The following CYP20A1 variants were observed in gnomAD, a reference collection of about 807,000 sequenced individuals.
The protein encoded by CYP20A1 is cytochrome P450 20A1.
Under a neutral mutation model 61.4 loss-of-function variants are expected in CYP20A1, and 61 were observed. The observed-to-expected ratio is 0.99, with a 90% CI of 0.81 to 1.23. The LOEUF (loss-of-function observed/expected upper bound fraction) is 1.23, where lower values mean the gene tolerates loss of function less well. CYP20A1 is among the 50% of genes most tolerant of loss of function. The pLI, the probability that CYP20A1 is intolerant of heterozygous loss-of-function variation, is 0.00. For missense variants in CYP20A1, 530 were observed against 542.4 expected (o/e 0.98, Z 0.23); for synonymous variants, 193 against 188.2 (o/e 1.03, Z -0.21).
rs200422506 is a variant in CYP20A1, at chr2:203,272,692, G to T, written c.623G>T (p.Gly208Val). Residue 208 changes from glycine to valine, a missense_variant, in exon 6 of 13, where the codon GGC becomes GTC. Transcript: ENST00000356079. ...CAGGTTTGGTCTGAGATTGGAAAAG[G>T]CTTTCTAGATGGGTCACTTGATAAA... is the stretch of plus-strand genomic sequence containing the variant. ...HGTVWSEIGK[G>V]FLDGSLDKNM... 1.9e-6 allele frequency: 3 copies of T among 1,606,980 alleles called. No individual in the cohort carries two copies. Among genetic ancestry groups the T allele is most frequent in the South Asian group, 1.1e-5 (1 of 89,234 alleles).
At chr2:203,256,689 T>C (rs2066905923) in intron 4 of CYP20A1, among the ~76,000 whole-genome samples, 1 of 152,198 alleles carries the variant, frequency 6.6e-6, no homozygotes, top group Non-Finnish European at 1.5e-5. Context: ...CCTTTGAGTG[T>C]CTGTCTCCCT....
intron 10 of CYP20A1, among the ~76,000 whole-genome samples, chr2:203,291,204 T>C (rs2068519258): frequency 2.0e-5 from 3 of 151,946 alleles, no homozygotes; most frequent in African/African-American, 4.8e-5. Flanking sequence ...CTGGACTAAA[T>C]TTTTTTATTT....
At chr2:203,249,977 T>C (rs1449499181) in intron 3 of CYP20A1, among the ~76,000 whole-genome samples, 1 of 152,202 alleles carries the variant, frequency 6.6e-6, no homozygotes, top group African/African-American at 2.4e-5. Context: ...ATTTTACTTA[T>C]CTCCCTAGAA....
chr2:203,272,221 G>T (rs2067631027), intron 5 of CYP20A1, among the ~76,000 whole-genome samples: 1 of 152,134 alleles, frequency 6.6e-6, no homozygotes, highest in Non-Finnish European at 1.5e-5. Flanking sequence ...CCAGTTGAGA[G>T]GGAGAGCTTA....
chr2:203,251,817 A>ATATATATGTGT (rs34111991), intron 3 of CYP20A1, 150 bp from the exon 4 acceptor site: 5 of 95,306 alleles, frequency 5.2e-5, no homozygotes, highest in Admixed American at 1.4e-4. Flanking sequence ...ATATATATAT[A>ATATATATGTGT]AAAAATAAAA....
rs577716667 is a variant in CYP20A1, at chr2:203,272,932, C to T, written c.679+184C>T. Among the ~76,000 whole-genome samples, 25 of 151,780 alleles carry T rather than the reference C, an allele frequency of 1.6e-4. No homozygotes were observed. The East Asian group carries it at 2.7e-3, about 16-fold the overall frequency. On this transcript the variant is annotated intron_variant, in intron 6 of 12. Coordinates refer to ENST00000356079, the MANE Select transcript of CYP20A1 (RefSeq NM_177538.3). ...GTGCGATCTCGGCCACAGCAACCTCCGCCTCCCAGGTTCAAGCAATTCTCC... is the reference window on the plus strand; with the variant it reads ...GTGCGATCTCGGCCACAGCAACCTCTGCCTCCCAGGTTCAAGCAATTCTCC...
rs550158157 is a variant in CYP20A1, at chr2:203,287,431, C to T, written c.971+1699C>T. Among the ~76,000 whole-genome samples the T allele has an allele frequency of 5.0e-4, 76 of 152,084 alleles. 2 individuals carry two copies. Among genetic ancestry groups the T allele is most frequent in the Non-Finnish European group, 5.0e-4 (34 of 67,998 alleles). The stretch of plus-strand genomic sequence containing the variant: ...TTAAGCCCGTAACAGTTGGGCTAGG[C>T]GCAGTGACTCATGCTTATAATCCCA... On this transcript the variant is annotated intron_variant, in intron 9 of 12. Transcript: ENST00000356079.
At chr2:203,276,800 G>A (rs1423565777) in intron 6 of CYP20A1, among the ~76,000 whole-genome samples, 1 of 152,116 alleles carries the variant, frequency 6.6e-6, no homozygotes, top group Non-Finnish European at 1.5e-5. Flanking sequence ...AGAGAAAGAA[G>A]TCCTGACTAG....
At chr2:203,274,664 T>C (rs2067740281) in intron 6 of CYP20A1, among the ~76,000 whole-genome samples, 1 of 152,212 alleles carries the variant, frequency 6.6e-6, no homozygotes, top group East Asian at 1.9e-4. Flanking sequence ...GGCCCTATTC[T>C]GTGCACAGGA....
At chr2:203,272,400 G>A (rs2067638033) in intron 5 of CYP20A1, among the ~76,000 whole-genome samples, 1 of 151,906 alleles carries the variant, frequency 6.6e-6, no homozygotes. Flanking sequence ...AAATTAGCTG[G>A]CGTTGGTGGC....
At chr2:203,295,014 G>A (rs1378192050) in intron 11 of CYP20A1, among the ~76,000 whole-genome samples, 3 of 118,948 alleles carry the variant, frequency 2.5e-5, no homozygotes, top group African/African-American at 6.6e-5. Context: ...GTACAGTGGC[G>A]CGATCCCGGC....
chr2:203,292,613 C>CT (rs2068584660), intron 11 of CYP20A1, among the ~76,000 whole-genome samples: 1 of 152,106 alleles, frequency 6.6e-6, no homozygotes, highest in African/African-American at 2.4e-5. Flanking sequence ...CGCGTGCTGC[C>CT]ACGCCTGGTT....
intron 1 of CYP20A1, among the ~76,000 whole-genome samples, chr2:203,240,608 C>G (rs972533546): frequency 1.3e-5 from 2 of 152,084 alleles, no homozygotes; most frequent in Non-Finnish European, 2.9e-5. Flanking sequence ...AGTAGAAACG[C>G]GAAGAAGGTG....
chr2:203,241,774 C>T (rs749446520), intron 1 of CYP20A1, among the ~76,000 whole-genome samples: 39 of 152,300 alleles, frequency 2.6e-4, no homozygotes, highest in South Asian at 8.3e-4. Flanking sequence ...AGGCGATCCT[C>T]GCACCTTAGC....
chr2:203,284,427 T>C (rs1245063628), intron 8 of CYP20A1, among the ~76,000 whole-genome samples: 1 of 152,212 alleles, frequency 6.6e-6, no homozygotes, highest in Admixed American at 6.5e-5. Flanking sequence ...CTAAAGGAAA[T>C]ATAACTACTC....
chr2:203,294,981 C>G (rs1190704766), intron 11 of CYP20A1, among the ~76,000 whole-genome samples: 4 of 75,480 alleles, frequency 5.3e-5, no homozygotes, highest in Non-Finnish European at 7.0e-5. Context: ...GAGACAGAGT[C>G]TCACTCTGTC....
At chr2:203,267,540 C>CAA (rs78337058) in intron 5 of CYP20A1, among the ~76,000 whole-genome samples, 1 of 82,440 alleles carries the variant, frequency 1.2e-5, no homozygotes. Flanking sequence ...TGTCTCACTC[C>CAA]AAAAAAAAAA....
intron 4 of CYP20A1, among the ~76,000 whole-genome samples, chr2:203,253,200 C>T (rs1035396127): frequency 6.6e-6 from 1 of 152,154 alleles, no homozygotes; most frequent in Non-Finnish European, 1.5e-5. Flanking sequence ...TGCCTTGGGC[C>T]CCAAAACCTT....
intron 8 of CYP20A1, among the ~76,000 whole-genome samples, chr2:203,284,559 T>A (rs1342746088): frequency 6.6e-6 from 1 of 152,080 alleles, no homozygotes; most frequent in East Asian, 1.9e-4. Context: ...CATAAACCAG[T>A]TTAAGCTAAA....
Sources: gnomAD v4.1 joint callset for allele counts (sites outside exome capture counted in the v4.1 genomes callset) on GRCh38, gnomAD v4.1.1 for gene constraint, MANE v1.5 for transcripts, NCBI Gene and HGNC (gene_info 2026-07-23, HGNC 2026-07-21) for gene names.